XKR3: variants seen among roughly 807,000 people sequenced by gnomAD.
XKR3 encodes the protein XK related 3.
In XKR3, 27 loss-of-function variants were observed where a neutral mutation model predicts 40.3. The ratio of observed to expected loss-of-function variants is 0.67; its 90% CI spans 0.49 to 0.92. XKR3 has a LOEUF of 0.92. Ranked by LOEUF, XKR3 falls within the 40% of genes least tolerant of loss-of-function variation. The pLI is 0.00. For missense variants in XKR3, 472 were observed against 537.6 expected, an observed-to-expected ratio of 0.88 and a Z score of 1.21; for synonymous variants, 193 against 195.4, an observed-to-expected ratio of 0.99 and a Z score of 0.10.
At chr22:16,793,528 C>A (rs1364520031) in intron 3 of XKR3, among the ~76,000 whole-genome samples, 2 of 152,052 alleles carry the variant, frequency 1.3e-5, no homozygotes, top group Admixed American at 1.3e-4. Context: ...CAGGTAACTG[C>A]CACTACAATC....
At chr22:16,784,613 G>A (rs1224980615) in intron 3 of XKR3, among the ~76,000 whole-genome samples, 1 of 152,012 alleles carries the variant, frequency 6.6e-6, no homozygotes, top group Non-Finnish European at 1.5e-5. Context: ...TTACACCTTG[G>A]AAAAACAAAT....
intron 3 of XKR3, 48 bp from the exon 4 acceptor site, chr22:16,784,457 A>T: frequency 6.7e-7 from 1 of 1,489,332 alleles, no homozygotes; most frequent in Middle Eastern, 1.8e-4. Context: ...TTCATTAGTA[A>T]TGACCACTTT....
chr22:16,793,545 C>T (rs4819534), intron 3 of XKR3, among the ~76,000 whole-genome samples: 129,856 of 152,084 alleles, frequency 0.85, 55,546 homozygotes, highest in Middle Eastern at 0.96. Context: ...AATCATGTTA[C>T]TGAAGAGAGC....
At chr22:16,787,688 T>A (rs2060096525) in intron 3 of XKR3, among the ~76,000 whole-genome samples, 1 of 151,978 alleles carries the variant, frequency 6.6e-6, no homozygotes, top group Non-Finnish European at 1.5e-5. Context: ...AATATTGAAG[T>A]CTTCCAATAA....
intron 3 of XKR3, among the ~76,000 whole-genome samples, chr22:16,784,873 T>C (rs375981221): frequency 5.4e-4 from 82 of 152,324 alleles, no homozygotes; most frequent in African/African-American, 1.8e-3. Flanking sequence ...TAATGTAATA[T>C]AGACTGTGTT....
chr22:16,818,398 T>C (rs1474704079), intron 1 of XKR3, among the ~76,000 whole-genome samples: 1 of 151,984 alleles, frequency 6.6e-6, no homozygotes, highest in East Asian at 1.9e-4. Flanking sequence ...GGTTTTCTTA[T>C]TGCCTTCCAT....
chr22:16,798,196 AC>A lies in XKR3; in HGVS notation c.589+1574del, dbSNP rs1160878468. Among the ~76,000 whole-genome samples, 9 of 150,284 alleles carry A rather than the reference AC, an allele frequency of 6.0e-5. 1 individual carries two copies. In the East Asian group the frequency reaches 6.0e-4, roughly 10 times the overall value. ...ACTCCATCTCAAAAAAAAAAAAACA[AC>A]AACAACAAAAACCCCCACAATTTCA... is the stretch of plus-strand genomic sequence containing the variant. On this transcript the variant is annotated intron_variant, in intron 3 of 3. Coordinates refer to ENST00000684488, the MANE Select transcript of XKR3 (RefSeq NM_001386955.1).
At chr22:16,803,555 G>A (rs770864315) in intron 2 of XKR3, among the ~76,000 whole-genome samples, 1 of 152,092 alleles carries the variant, frequency 6.6e-6, no homozygotes, top group East Asian at 1.9e-4. Flanking sequence ...AGAATACATG[G>A]CAAATGTGTT....
At chr22:16,795,798 C>A (rs1257944765) in intron 3 of XKR3, among the ~76,000 whole-genome samples, 1 of 152,038 alleles carries the variant, frequency 6.6e-6, no homozygotes, top group African/African-American at 2.4e-5. Context: ...AAAACCCTGT[C>A]TCTACTAAAA....
chr22:16,787,808 G>A (rs1449817305), intron 3 of XKR3, among the ~76,000 whole-genome samples: 2 of 151,424 alleles, frequency 1.3e-5, no homozygotes, highest in Non-Finnish European at 2.9e-5. Flanking sequence ...TATCATATCA[G>A]GAATATACAT....
chr22:16,807,164 T>C (rs1000117393), intron 2 of XKR3, among the ~76,000 whole-genome samples: 1 of 152,196 alleles, frequency 6.6e-6, no homozygotes, highest in Non-Finnish European at 1.5e-5. Flanking sequence ...AATTTAGAAC[T>C]ATGAGTAAGA....
chr22:16,815,529 A>T lies in XKR3; in HGVS notation c.-10-7446T>A, dbSNP rs188622801. Reference sequence around the variant, plus strand: ...AACCATAAAATCAGATCTATATGAAATTATCTATCTAAAACTTGTTGAGAT... The same window carrying T: ...AACCATAAAATCAGATCTATATGAATTTATCTATCTAAAACTTGTTGAGAT... On this transcript the variant is annotated intron_variant, in intron 1 of 3. Transcript: ENST00000684488. Among the ~76,000 whole-genome samples, 13 of 152,166 alleles carry T rather than the reference A, an allele frequency of 8.5e-5. No individual in the cohort carries two copies. The East Asian group carries it at 2.1e-3, about 25-fold the overall frequency.
chr22:16,794,905 C>A (rs1311076808), intron 3 of XKR3, among the ~76,000 whole-genome samples: 6 of 152,286 alleles, frequency 3.9e-5, no homozygotes, highest in African/African-American at 1.4e-4. Context: ...TTGAGAAGGA[C>A]AATGAAGGTC....
intron 3 of XKR3, among the ~76,000 whole-genome samples, chr22:16,788,433 G>C (rs2060100242): frequency 6.6e-6 from 1 of 151,776 alleles, no homozygotes; most frequent in Non-Finnish European, 1.5e-5. Context: ...GACAAAAAAG[G>C]AGATGTCATA....
At chr22:16,810,159 C>T (rs2060206850) in intron 1 of XKR3, among the ~76,000 whole-genome samples, 1 of 152,182 alleles carries the variant, frequency 6.6e-6, no homozygotes, top group South Asian at 2.1e-4. Context: ...CTGAATGGTA[C>T]TGAGTCCCAT....
intron 1 of XKR3, among the ~76,000 whole-genome samples, chr22:16,808,920 C>T (rs930865178): frequency 1.3e-5 from 2 of 151,962 alleles, no homozygotes; most frequent in African/African-American, 4.8e-5. Flanking sequence ...ACTAAAAATG[C>T]TGTTAATATA....
intron 3 of XKR3, among the ~76,000 whole-genome samples, chr22:16,785,188 G>A (rs1389376137): frequency 5.3e-5 from 8 of 151,992 alleles, no homozygotes; most frequent in Admixed American, 2.6e-4. Flanking sequence ...GTAGTGGTGG[G>A]AGCTTGTAGT....
rs572982432 is a variant in XKR3, at chr22:16,801,055, T to C, written c.336-1031A>G. On this transcript the variant is annotated intron_variant, in intron 2 of 3. Transcript: ENST00000684488. ...AAGAGAGAAAGGAGCATCTAATATA[T>C]GATGGAGATTATAGGGCATTTAAGA... Among the ~76,000 whole-genome samples the C allele has an allele frequency of 5.4e-4, 82 of 152,208 alleles. 1 individual carries two copies. Among genetic ancestry groups the C allele is most frequent in the African/African-American group, 1.8e-3 (76 of 41,552 alleles).
chr22:16,812,066 T>A (rs2060215350), intron 1 of XKR3, among the ~76,000 whole-genome samples: 1 of 152,038 alleles, frequency 6.6e-6, no homozygotes, highest in East Asian at 1.9e-4. Context: ...AGGTTTAATA[T>A]TTAGGGGCAT....
Sources: gnomAD v4.1 joint callset for allele counts (sites outside exome capture counted in the v4.1 genomes callset) on GRCh38, gnomAD v4.1.1 for gene constraint, MANE v1.5 for transcripts, NCBI Gene and HGNC (gene_info 2026-07-23, HGNC 2026-07-21) for gene names.